The following GFRA3 variants were observed in gnomAD, a reference collection of about 807,000 sequenced individuals.
GFRA3 encodes the protein GDNF family receptor alpha-3.
A neutral mutation model predicts 40.0 loss-of-function variants in GFRA3; 24 were observed. The observed-to-expected ratio is 0.60, with a 90% CI of 0.43 to 0.84. GFRA3 has a LOEUF of 0.84. Ranked by LOEUF, GFRA3 falls within the 40% of genes least tolerant of loss-of-function variation. The pLI is 0.00. For missense variants in GFRA3, 405 were observed against 530.6 expected (o/e 0.76, Z 2.33); for synonymous variants, 203 against 213.5 (o/e 0.95, Z 0.43).
chr5:138,253,817 G>A lies in GFRA3; in HGVS notation c.973C>T (p.Gln325Ter). 1 of 1,613,924 alleles carries A rather than the reference G, an allele frequency of 6.2e-7. No homozygotes were observed. The highest frequency in any genetic ancestry group is 8.5e-7 in the Non-Finnish European group (1 of 1,179,832). The change falls in exon 6 of 8, where the codon CAG (glutamine) becomes TAG (stop). Residue 325 changes from glutamine to a stop codon, truncating the protein, a stop_gained. Coordinates refer to ENST00000274721, the MANE Select transcript of GFRA3 (RefSeq NM_001496.4). LOFTEE classifies it high-confidence loss of function. Reference sequence around the variant, plus strand: ...CCTTCCAGCATTTCACACTCCTCCTGCAGGTTGCCACTGCCTCGGCAGGTG... The same window carrying A: ...CCTTCCAGCATTTCACACTCCTCCTACAGGTTGCCACTGCCTCGGCAGGTG... ...SCTCRGSGNL[Q>*]EECEMLEGFF...
At chr5:138,264,173 A>T in intron 2 of GFRA3, 88 bp downstream of exon 2, 1 of 939,748 alleles carries the variant, frequency 1.1e-6, no homozygotes, top group Non-Finnish European at 1.6e-6. Context: ...CTCAGATTCT[A>T]CCATGTGGCC....
rs756905036 is a variant in GFRA3, at chr5:138,274,448, C to T, written c.-24G>A. ...ATGGCGAGCTGTAGGCGCCGGGCTC[C>T]GCGCTCCCCTCGCTCCTCCCCTGGA... is the stretch of plus-strand genomic sequence containing the variant. On this transcript the variant is annotated 5_prime_UTR_variant, in exon 1 of 8. Coordinates refer to ENST00000274721, the MANE Select transcript of GFRA3 (RefSeq NM_001496.4). The T allele has an allele frequency of 7.8e-7, 1 of 1,287,204 alleles. No individual in the cohort carries two copies. Among genetic ancestry groups the T allele is most frequent in the Non-Finnish European group, 9.9e-7 (1 of 1,013,572 alleles). 79.7% of individuals were successfully genotyped at this position (1,287,204 alleles called of 1,614,324 possible).
In GFRA3 at chr5:138,262,274, C is replaced by T. The variant is rs572302049; in HGVS notation, c.379+1987G>A. On this transcript the variant is annotated intron_variant, in intron 2 of 7. Transcript: ENST00000274721. Reference sequence around the variant, plus strand: ...AAAACTGAAAGAGGAAGGACCTTTCCAGAGGGCTGGGCCAAGAGCTCTGGA... The same window carrying T: ...AAAACTGAAAGAGGAAGGACCTTTCTAGAGGGCTGGGCCAAGAGCTCTGGA... Among the ~76,000 whole-genome samples, 117 of 152,222 alleles carry T rather than the reference C, an allele frequency of 7.7e-4. 1 individual carries two copies. The South Asian group carries it at 0.018, about 23-fold the overall frequency.
At chr5:138,264,766 A>G (rs1414137530) in intron 1 of GFRA3, among the ~76,000 whole-genome samples, 1 of 152,202 alleles carries the variant, frequency 6.6e-6, no homozygotes, top group Admixed American at 6.6e-5. Flanking sequence ...ACCAGGCCCA[A>G]CAAGAAATAG....
At chr5:138,269,086 G>A (rs1198506683) in intron 1 of GFRA3, among the ~76,000 whole-genome samples, 1 of 152,076 alleles carries the variant, frequency 6.6e-6, no homozygotes, top group Non-Finnish European at 1.5e-5. Flanking sequence ...AAACCACAAT[G>A]TGATACCAAC....
Position 138,274,438 on chromosome 5 carries a change from C to G in GFRA3, c.-14G>C. On this transcript the variant is annotated 5_prime_UTR_variant, in exon 1 of 8. Coordinates refer to ENST00000274721, the MANE Select transcript of GFRA3 (RefSeq NM_001496.4). ...GGGGCGCACCATGGCGAGCTGTAGG[C>G]GCCGGGCTCCGCGCTCCCCTCGCTC... 7.7e-7 allele frequency: 1 copy of G among 1,292,196 alleles called. No homozygotes were observed. Among genetic ancestry groups the G allele is most frequent in the Non-Finnish European group, 9.8e-7 (1 of 1,015,290 alleles). The allele number at this position is 1,292,196 out of a possible 1,614,324, so 80.0% of individuals were successfully genotyped here.
chr5:138,257,908 A>G lies in GFRA3; in HGVS notation c.516T>C (p.Asn172=), dbSNP rs1203002933. 2 of 1,613,964 alleles carry G rather than the reference A, an allele frequency of 1.2e-6. No individual in the cohort carries two copies. Among genetic ancestry groups the G allele is most frequent in the African/African-American group, 2.7e-5 (2 of 74,900 alleles). ...CLKFAMLCTL[N]DKCDRLRKAY... Reference sequence around the variant, plus strand: ...CCTTGCGCAGCCGGTCACACTTGTCATTGAGAGTACACAGCATGGCAAACT... The same window carrying G: ...CCTTGCGCAGCCGGTCACACTTGTCGTTGAGAGTACACAGCATGGCAAACT... Residue 172 remains asparagine (N), a synonymous_variant, in exon 4 of 8, where the codon AAT becomes AAC. Coordinates refer to ENST00000274721, the MANE Select transcript of GFRA3 (RefSeq NM_001496.4).
chr5:138,266,316 T>C (rs933090236), intron 1 of GFRA3, among the ~76,000 whole-genome samples: 10 of 152,192 alleles, frequency 6.6e-5, no homozygotes, highest in Non-Finnish European at 1.3e-4. Flanking sequence ...CTAGTTTCTA[T>C]ACATACTGCC....
At chr5:138,271,112 C>A (rs776955643) in intron 1 of GFRA3, among the ~76,000 whole-genome samples, 1 of 152,078 alleles carries the variant, frequency 6.6e-6, no homozygotes, top group Admixed American at 6.6e-5. Context: ...CCTGCCTCAG[C>A]CTCCCAACTA....
Position 138,257,969 on chromosome 5 carries a change from G to A in GFRA3, c.473-18C>T, listed in dbSNP as rs1755657363. The A allele has an allele frequency of 1.9e-6, 3 of 1,609,084 alleles. No homozygotes were observed. The highest frequency in any genetic ancestry group is 1.3e-5 in the African/African-American group (1 of 74,876). ...GTCTGAGTCTGGGGGGAAAGGGCACGGAGTCAGTCGGCTGGGCCCTCTGCA... is the reference window on the plus strand; with the variant it reads ...GTCTGAGTCTGGGGGGAAAGGGCACAGAGTCAGTCGGCTGGGCCCTCTGCA... On this transcript the variant is annotated intron_variant, in intron 3 of 7. Transcript: ENST00000274721.
chr5:138,260,115 T>C (rs920397176), intron 2 of GFRA3, among the ~76,000 whole-genome samples: 1 of 152,134 alleles, frequency 6.6e-6, no homozygotes, highest in African/African-American at 2.4e-5. Flanking sequence ...GGGAGGATTA[T>C]ACGTCCCCAC....
At chr5:138,272,106 C>T (rs1755884999) in intron 1 of GFRA3, among the ~76,000 whole-genome samples, 2 of 150,228 alleles carry the variant, frequency 1.3e-5, no homozygotes. Context: ...CCCAGGTTCA[C>T]GCCATTCTCC....
At chr5:138,268,717 C>G (rs1755823199) in intron 1 of GFRA3, among the ~76,000 whole-genome samples, 1 of 152,028 alleles carries the variant, frequency 6.6e-6, no homozygotes, top group African/African-American at 2.4e-5. Flanking sequence ...GATGAAACCC[C>G]ATCTCTATTA....
chr5:138,259,174 A>C (rs1309114897), intron 3 of GFRA3, among the ~76,000 whole-genome samples: 1 of 152,178 alleles, frequency 6.6e-6, no homozygotes, highest in Admixed American at 6.6e-5. Flanking sequence ...GGTTGAAAAC[A>C]AGCAATTTCC....
At chr5:138,258,022 C>G (rs1030379136) in intron 3 of GFRA3, 71 bp from the exon 4 acceptor site, 9 of 1,225,404 alleles carry the variant, frequency 7.3e-6, no homozygotes, top group Middle Eastern at 1.9e-4. Context: ...CCACAGGAAC[C>G]CCGGAAACCC....
At chr5:138,253,258 T>C (rs1434804092) in intron 7 of GFRA3, 29 bp downstream of exon 7, 1 of 1,429,880 alleles carries the variant, frequency 7.0e-7, no homozygotes, top group Non-Finnish European at 9.7e-7. Context: ...CCAGTAAAGG[T>C]CTGAGGGGTG....
Position 138,252,784 on chromosome 5 carries a change from T to G in GFRA3, c.*184A>C. The G allele has an allele frequency of 2.0e-6, 1 of 496,088 alleles. No homozygotes were observed. Among genetic ancestry groups the G allele is most frequent in the South Asian group, 3.1e-5 (1 of 32,056 alleles). The allele number at this position is 496,088 out of a possible 1,614,324, so 30.7% of individuals were successfully genotyped here. ...AAGGAGGGGCAGCATGAATCAGAAGTGGAGATGGGGTGGAGGGAATGAGGA... is the reference window on the plus strand; with the variant it reads ...AAGGAGGGGCAGCATGAATCAGAAGGGGAGATGGGGTGGAGGGAATGAGGA... On this transcript the variant is annotated 3_prime_UTR_variant, in exon 8 of 8. Transcript: ENST00000274721.
intron 4 of GFRA3, among the ~76,000 whole-genome samples, chr5:138,254,911 C>G (rs546626605): frequency 6.7e-6 from 1 of 148,840 alleles, no homozygotes; most frequent in Non-Finnish European, 1.5e-5. Flanking sequence ...CTGAGCAACA[C>G]AGCAAGACCC....
intron 4 of GFRA3, among the ~76,000 whole-genome samples, chr5:138,255,088 A>G (rs1755608449): frequency 2.0e-5 from 3 of 151,244 alleles, no homozygotes; most frequent in Non-Finnish European, 4.4e-5. Flanking sequence ...AGAAGAAGAG[A>G]AAGAGAGAGG....
Sources: gnomAD v4.1 joint callset for allele counts (sites outside exome capture counted in the v4.1 genomes callset) on GRCh38, gnomAD v4.1.1 for gene constraint, MANE v1.5 for transcripts, NCBI Gene and HGNC (gene_info 2026-07-23, HGNC 2026-07-21) for gene names.